The following BMPR2 variants were observed in gnomAD, a reference collection of about 807,000 sequenced individuals.
BMPR2 encodes the protein bone morphogenetic protein receptor type 2, also known as bone morphogenetic protein receptor type-2.
BMPR2 carries 29 observed loss-of-function variants against 100.8 expected under a neutral mutation model. The ratio of observed to expected loss-of-function variants is 0.29; its 90% CI spans 0.21 to 0.39. BMPR2 has a LOEUF of 0.39. Among genes scored for constraint, BMPR2 ranks in the 10% least tolerant of loss-of-function variants. The pLI is 1.00. For missense variants in BMPR2, 1,011 were observed against 1,274.5 expected (o/e 0.79, Z 3.15); for synonymous variants, 382 against 442.3 (o/e 0.86, Z 1.71).
intron 12 of BMPR2, among the ~76,000 whole-genome samples, chr2:202,557,089 G>A (rs1346268822): frequency 6.6e-6 from 1 of 152,060 alleles, no homozygotes; most frequent in African/African-American, 2.4e-5. Context: ...CCAGCACTTT[G>A]TGAGGCCAGG....
intron 1 of BMPR2, among the ~76,000 whole-genome samples, chr2:202,436,752 A>T (rs1691623367): frequency 6.6e-6 from 1 of 150,604 alleles, no homozygotes; most frequent in South Asian, 2.1e-4. Context: ...ATTCCTAGAA[A>T]ATGATGTATT....
At chr2:202,499,672 T>C (rs1687334002) in intron 3 of BMPR2, among the ~76,000 whole-genome samples, 2 of 152,158 alleles carry the variant, frequency 1.3e-5, no homozygotes, top group Admixed American at 6.5e-5. Context: ...AAGATAAGTT[T>C]ATTACCCAAT....
rs377230318 is a variant in BMPR2 at position 202,506,455 on chromosome 2, CTTTTG to C, written c.419-7244_419-7240del. On this transcript the variant is annotated intron_variant, in intron 3 of 12. Coordinates refer to ENST00000374580, the MANE Select transcript of BMPR2 (RefSeq NM_001204.7). ...ACAGACATGAGCCACCATGCCTGGC[CTTTTG>C]TTTTGTTTTGTTTTGTTTTTTTATA... 2.2e-4 allele frequency among the ~76,000 whole-genome samples: 34 copies of C among 152,240 alleles called. No homozygotes were observed. In the South Asian group the frequency reaches 3.1e-3, roughly 14 times the overall value.
At chr2:202,552,627 T>C (rs965329323) in intron 10 of BMPR2, 89 bp from the exon 11 acceptor site, 21 of 1,387,084 alleles carry the variant, frequency 1.5e-5, no homozygotes, top group Admixed American at 1.1e-4. Context: ...AGGTAATTGA[T>C]TTTTCTTTTA....
intron 10 of BMPR2, among the ~76,000 whole-genome samples, chr2:202,546,795 G>A (rs536604475): frequency 6.6e-6 from 1 of 152,120 alleles, no homozygotes; most frequent in African/African-American, 2.4e-5. Context: ...GTAGAGATGG[G>A]GTTTCACCAT....
intron 1 of BMPR2, among the ~76,000 whole-genome samples, chr2:202,399,931 G>C (rs1345179460): frequency 6.6e-6 from 1 of 152,136 alleles, no homozygotes; most frequent in African/African-American, 2.4e-5. Context: ...GGGGAGCATA[G>C]TGAGATCCTG....
At chr2:202,543,789 T>C (rs1315306467) in intron 10 of BMPR2, among the ~76,000 whole-genome samples, 2 of 152,180 alleles carry the variant, frequency 1.3e-5, no homozygotes, top group Non-Finnish European at 2.9e-5. Context: ...ACGAGAAATT[T>C]TTGGTATTAT....
intron 1 of BMPR2, among the ~76,000 whole-genome samples, chr2:202,460,474 A>C (rs768189295): frequency 1.3e-5 from 2 of 152,224 alleles, no homozygotes; most frequent in Non-Finnish European, 2.9e-5. Context: ...AACAGAGAAG[A>C]AGAACATACT....
At chr2:202,550,976 A>ATTTTT (rs1559072688) in intron 10 of BMPR2, among the ~76,000 whole-genome samples, 2 of 41,946 alleles carry the variant, frequency 4.8e-5, no homozygotes, top group African/African-American at 2.0e-4. Context: ...TTTTTTTTTG[A>ATTTTT]GCCAGAGCCT....
At position 202,556,328 on chromosome 2, in the gene BMPR2, T is replaced by G; in HGVS notation, c.2663T>G (p.Val888Gly). 1 of 1,614,200 alleles carries G rather than the reference T, an allele frequency of 6.2e-7. No homozygotes were observed. The highest frequency in any genetic ancestry group is 2.2e-5 in the East Asian group (1 of 44,886). ...GHDEGVLDRL[V>G]DRRERPLEGG... ...GATGAAGGTGTTCTGGATCGTCTTGTGGACAGGAGGGAACGGCCACTAGAA... is the reference window on the plus strand; with the variant it reads ...GATGAAGGTGTTCTGGATCGTCTTGGGGACAGGAGGGAACGGCCACTAGAA... Residue 888 changes from valine (V) to glycine (G), a missense_variant, in exon 12 of 13, where the codon GTG (valine) becomes GGG (glycine). Transcript: ENST00000374580.
At chr2:202,509,618 G>A (rs1385186116) in intron 3 of BMPR2, among the ~76,000 whole-genome samples, 3 of 151,660 alleles carry the variant, frequency 2.0e-5, no homozygotes, top group Non-Finnish European at 4.4e-5. Flanking sequence ...TGCTTTTTAT[G>A]TACAACTTTT....
chr2:202,542,410 G>C lies in BMPR2; in HGVS notation c.1376G>C (p.Arg459Thr). 2 of 1,614,028 alleles carry C rather than the reference G, an allele frequency of 1.2e-6. No homozygotes were observed. The highest frequency in any genetic ancestry group is 1.7e-6 in the Non-Finnish European group (2 of 1,180,002). ...GTTCTCGTGTCTAGGGAAAAACAGA[G>C]ACCCAAGTTCCCAGAAGCCTGGAAA... ...MQVLVSREKQ[R>T]PKFPEAWKEN... The change falls in exon 10 of 13, where the codon AGA becomes ACA. Residue 459 changes from arginine (R) to threonine (T), a missense_variant. This residue lies in a region of BMPR2 where 83 missense variants were observed against 140.7 expected (regional missense o/e 0.59). Transcript: ENST00000374580.
At chr2:202,482,381 A>G (rs1692677092) in intron 3 of BMPR2, among the ~76,000 whole-genome samples, 3 of 151,916 alleles carry the variant, frequency 2.0e-5, no homozygotes, top group African/African-American at 7.3e-5. Flanking sequence ...GCTATTTTTA[A>G]TTTTTTTTAA....
At position 202,528,723 on chromosome 2, in the gene BMPR2, C is replaced by T. The variant is rs114981345; in HGVS notation, c.968-2071C>T. Among the ~76,000 whole-genome samples, 1,192 of 152,258 alleles carry T rather than the reference C, an allele frequency of 7.8e-3. 9 individuals are homozygous for T. Among genetic ancestry groups the T allele is most frequent in the African/African-American group, 0.027 (1,127 of 41,530 alleles). On this transcript the variant is annotated intron_variant, in intron 7 of 12. Coordinates refer to ENST00000374580, the MANE Select transcript of BMPR2 (RefSeq NM_001204.7). ...CTCATGTGATTTATTGAACACTGTT[C>T]TGAAAGTGATAAAAAGGAATGAAGT...
At chr2:202,540,283 T>A (rs577592446) in intron 9 of BMPR2, among the ~76,000 whole-genome samples, 11 of 152,282 alleles carry the variant, frequency 7.2e-5, no homozygotes, top group African/African-American at 2.6e-4. Flanking sequence ...ATGTGTTGTG[T>A]GTATGTCTCA....
At chr2:202,510,921 C>A (rs899087385) in intron 3 of BMPR2, among the ~76,000 whole-genome samples, 7 of 151,502 alleles carry the variant, frequency 4.6e-5, no homozygotes, top group African/African-American at 1.7e-4. Context: ...CCTTGTGATC[C>A]GTCTGCCTCA....
chr2:202,388,416 A>G (rs897784068), intron 1 of BMPR2, among the ~76,000 whole-genome samples: 34 of 150,574 alleles, frequency 2.3e-4, no homozygotes, highest in African/African-American at 8.0e-4. Context: ...AAAAAAAAAA[A>G]AAAACATTGT....
intron 3 of BMPR2, chr2:202,474,685 A>T (rs1692506530): frequency 6.6e-6 from 1 of 151,952 alleles, no homozygotes; most frequent in Admixed American, 6.6e-5. Context: ...CGCCTGGCTA[A>T]TTTGTTTTTG....
chr2:202,560,735 T>C lies in BMPR2; in HGVS notation c.*789T>C, dbSNP rs1434550698. ...TTCTTTTAACCTTCCAAATCCTAAA[T>C]GTTTCCTTCAAGGCATCTTAATAAA... is the stretch of plus-strand genomic sequence containing the variant. On this transcript the variant is annotated 3_prime_UTR_variant, in exon 13 of 13. Transcript: ENST00000374580. The C allele has an allele frequency of 1.3e-5, 2 of 152,750 alleles. No homozygotes were observed. Among genetic ancestry groups the C allele is most frequent in the East Asian group, 3.9e-4 (2 of 5,188 alleles). The allele number at this position is 152,750 out of a possible 1,614,324, so 9.5% of individuals were successfully genotyped here. A position where few individuals can be genotyped will look rare whatever the true frequency, so the allele number is the denominator to read the frequency against.
Sources: gnomAD v4.1 joint callset for allele counts (sites outside exome capture counted in the v4.1 genomes callset) on GRCh38, gnomAD v4.1.1 for gene constraint, gnomAD v4.1.1 regional missense constraint, MANE v1.5 for transcripts, NCBI Gene and HGNC (gene_info 2026-07-23, HGNC 2026-07-21) for gene names.